Variants in COL4A3 observed in about 807,000 individuals in gnomAD.
COL4A3 encodes the protein collagen type IV alpha 3 chain.
Under a neutral mutation model 217.4 loss-of-function variants are expected in COL4A3, and 135 were observed. The observed-to-expected ratio is 0.62, with a 90% CI of 0.54 to 0.72. The LOEUF is 0.72. Ranked by LOEUF, COL4A3 falls within the 30% of genes least tolerant of loss-of-function variation. COL4A3 has a pLI of 0.00. For synonymous variants in COL4A3, 690 were observed against 736.3 expected, an observed-to-expected ratio of 0.94 and a Z score of 1.02; for missense variants, 1,868 against 2,119.9, an observed-to-expected ratio of 0.88 and a Z score of 2.33.
Position 227,184,391 on chromosome 2 carries a change from C to T in COL4A3, c.87+19578C>T, listed in dbSNP as rs111348671. ...TCAGCCCTGGTAAAATTAAGATTGACTCAATCAGTCTCTAAAAGAAATGAT... is the reference window on the plus strand; with the variant it reads ...TCAGCCCTGGTAAAATTAAGATTGATTCAATCAGTCTCTAAAAGAAATGAT... On this transcript the variant is annotated intron_variant, in intron 1 of 51. Coordinates refer to ENST00000396578, the MANE Select transcript of COL4A3 (RefSeq NM_000091.5). Among the ~76,000 whole-genome samples, 226 of 152,318 alleles carry T rather than the reference C, an allele frequency of 1.5e-3. 1 individual carries two copies. The highest frequency in any genetic ancestry group is 5.2e-3 in the African/African-American group (215 of 41,570).
chr2:227,201,170 G>A (rs1338184860), intron 1 of COL4A3, among the ~76,000 whole-genome samples: 1 of 152,130 alleles, frequency 6.6e-6, no homozygotes, highest in Non-Finnish European at 1.5e-5. Flanking sequence ...AATCAAGATA[G>A]TAAAAGCTGG....
intron 1 of COL4A3, among the ~76,000 whole-genome samples, chr2:227,226,092 A>AGAGGTCTGCT (rs1435894650): frequency 1.3e-5 from 2 of 152,110 alleles, no homozygotes; most frequent in African/African-American, 2.4e-5. Context: ...ACAGTAGATG[A>AGAGGTCTGCT]GAGGTCTGCT....
rs539181606 is a variant in COL4A3 at position 227,238,317 on chromosome 2, A to ATATG, written c.144+297_144+300dup. On this transcript the variant is annotated intron_variant, in intron 2 of 51. Coordinates refer to ENST00000396578, the MANE Select transcript of COL4A3 (RefSeq NM_000091.5). ...AAAAGAAAGTTTATGACAAGTCTCC[A>ATATG]TATGTATACACTATTTACAATGTTG... The ATATG allele has an allele frequency of 8.3e-4, 239 of 287,258 alleles. 1 individual carries two copies. The highest frequency in any genetic ancestry group is 1.2e-3 in the Non-Finnish European group (181 of 149,850). 17.8% of individuals were successfully genotyped at this position (287,258 alleles called of 1,614,324 possible). A position where few individuals can be genotyped will look rare whatever the true frequency, so the allele number is the denominator to read the frequency against.
intron 38 of COL4A3, chr2:227,294,265 G>A (rs1184186675): frequency 1.8e-6 from 1 of 552,246 alleles, no homozygotes; most frequent in Non-Finnish European, 3.2e-6. Flanking sequence ...AGTGGTGCTT[G>A]TGGTTGGTGT....
At position 227,188,848 on chromosome 2, in the gene COL4A3, T is replaced by G. The variant is rs78513288; in HGVS notation, c.87+24035T>G. On this transcript the variant is annotated intron_variant, in intron 1 of 51. Transcript: ENST00000396578. The stretch of plus-strand genomic sequence containing the variant: ...GACATGAGACTGAGCATGATGGACC[T>G]GTCCTCATAGCTTCCAGTATAGTAA... Among the ~76,000 whole-genome samples the G allele has an allele frequency of 4.3e-3, 653 of 152,336 alleles. 4 individuals are homozygous for G. The highest frequency in any genetic ancestry group is 0.014 in the Middle Eastern group (4 of 294).
chr2:227,257,220 C>T (rs1019087277), intron 17 of COL4A3, among the ~76,000 whole-genome samples: 1 of 152,250 alleles, frequency 6.6e-6, no homozygotes, highest in Middle Eastern at 3.4e-3. Context: ...GAAATGACTT[C>T]TTGAAGGAAA....
intron 1 of COL4A3, among the ~76,000 whole-genome samples, chr2:227,216,256 A>T (rs1010181195): frequency 4.6e-5 from 7 of 152,236 alleles, no homozygotes; most frequent in Admixed American, 3.3e-4. Flanking sequence ...TAAATTTTTT[A>T]AAATCAAAGG....
At chr2:227,198,398 A>G (rs2066563233) in intron 1 of COL4A3, among the ~76,000 whole-genome samples, 1 of 152,240 alleles carries the variant, frequency 6.6e-6, no homozygotes, top group Non-Finnish European at 1.5e-5. Context: ...ATTCAAATAT[A>G]GTATATCATT....
rs537930777 is a variant in COL4A3, at chr2:227,165,390, A to T, written c.87+577A>T. Among the ~76,000 whole-genome samples, 18 of 152,356 alleles carry T rather than the reference A, an allele frequency of 1.2e-4. No individual in the cohort carries two copies. The South Asian group carries it at 3.7e-3, about 32-fold the overall frequency. On this transcript the variant is annotated intron_variant, in intron 1 of 51. Transcript: ENST00000396578. ...ATCACTGAAAAATTAAGAGCACCTTAGAAATCGAACTCAGGTTAGAATCAT... is the reference window on the plus strand; with the variant it reads ...ATCACTGAAAAATTAAGAGCACCTTTGAAATCGAACTCAGGTTAGAATCAT...
chr2:227,202,861 A>G (rs62277829), intron 1 of COL4A3, among the ~76,000 whole-genome samples: 1 of 21,304 alleles, frequency 4.7e-5, no homozygotes, highest in Non-Finnish European at 7.9e-5. Context: ...GTGTATATAT[A>G]CATATATGTG....
At chr2:227,256,433 G>A in intron 17 of COL4A3, 37 bp downstream of exon 17, 1 of 1,563,118 alleles carries the variant, frequency 6.4e-7, no homozygotes, top group Non-Finnish European at 8.8e-7. Context: ...TAATAGGTTG[G>A]GTTTTGCCTG....
chr2:227,248,392 G>C (rs766778471), intron 8 of COL4A3, 51 bp from the exon 9 acceptor site: 1 of 1,169,662 alleles, frequency 8.5e-7, no homozygotes, highest in South Asian at 1.2e-5. Context: ...ACTTGAAGGG[G>C]TTTTGAAAAT....
intron 21 of COL4A3, among the ~76,000 whole-genome samples, chr2:227,266,128 T>G (rs1475248733): frequency 6.6e-6 from 1 of 152,058 alleles, no homozygotes; most frequent in African/African-American, 2.4e-5. Flanking sequence ...CCATATCAAC[T>G]TGGAATAATT....
intron 1 of COL4A3, among the ~76,000 whole-genome samples, chr2:227,166,360 A>G (rs2065278349): frequency 6.6e-6 from 1 of 151,928 alleles, no homozygotes; most frequent in African/African-American, 2.4e-5. Flanking sequence ...AAATCCAAAA[A>G]AGCAAAATCC....
At chr2:227,236,892 C>T (rs1045376893) in intron 1 of COL4A3, among the ~76,000 whole-genome samples, 2 of 152,154 alleles carry the variant, frequency 1.3e-5, no homozygotes, top group Non-Finnish European at 2.9e-5. Flanking sequence ...AACTCCTGAC[C>T]TCAAGTGACC....
At chr2:227,217,714 T>C (rs983207191) in intron 1 of COL4A3, among the ~76,000 whole-genome samples, 1 of 152,178 alleles carries the variant, frequency 6.6e-6, no homozygotes, top group Admixed American at 6.5e-5. Flanking sequence ...GGAAGTAAAA[T>C]GTGTGGTTTC....
chr2:227,207,707 A>C (rs1413867334), intron 1 of COL4A3, among the ~76,000 whole-genome samples: 2 of 152,130 alleles, frequency 1.3e-5, no homozygotes. Flanking sequence ...ATAGGTTGTA[A>C]ATGTGGCCAA....
At chr2:227,303,189 G>A (rs1194083334) in intron 44 of COL4A3, 79 bp downstream of exon 44, 2 of 1,247,936 alleles carry the variant, frequency 1.6e-6, no homozygotes, top group African/African-American at 1.5e-5. Context: ...AGTGTTTGCT[G>A]AAGTACAGAC....
At chr2:227,181,798 G>A (rs1319708099) in intron 1 of COL4A3, among the ~76,000 whole-genome samples, 2 of 151,910 alleles carry the variant, frequency 1.3e-5, no homozygotes, top group Non-Finnish European at 2.9e-5. Flanking sequence ...GATGATTTTT[G>A]CCTACATATC....
Sources: gnomAD v4.1 joint callset for allele counts (sites outside exome capture counted in the v4.1 genomes callset) on GRCh38, gnomAD v4.1.1 for gene constraint, MANE v1.5 for transcripts, NCBI Gene and HGNC (gene_info 2026-07-23, HGNC 2026-07-21) for gene names.